The following SUSD2 variants were observed in gnomAD, a reference collection of about 807,000 sequenced individuals.
The protein encoded by SUSD2 is sushi domain containing 2.
A neutral mutation model predicts 93.8 loss-of-function variants in SUSD2; 86 were observed. The ratio of observed to expected loss-of-function variants is 0.92; its 90% confidence interval spans 0.77 to 1.10. The LOEUF (loss-of-function observed/expected upper bound fraction) is 1.10. SUSD2 is among the 50% of genes least tolerant of loss of function. SUSD2 has a pLI of 0.00. For missense variants in SUSD2, 1,060 were observed against 1,137.0 expected, an observed-to-expected ratio of 0.93 and a Z score of 0.97; for synonymous variants, 483 against 485.0, an observed-to-expected ratio of 1.00 and a Z score of 0.05.
At position 24,186,305 on chromosome 22, in the gene SUSD2, G is replaced by A. The variant is rs2047366256; in HGVS notation, c.1532G>A (p.Gly511Asp). The change falls in exon 10 of 15, where the codon GGC (glycine) becomes GAC (aspartate). Residue 511 changes from glycine to aspartate, a missense_variant. Physicochemically the swap from Gly to Asp is moderately conservative, Grantham distance 94. Around this residue, in one of 2 missense-constraint regions of SUSD2, gnomAD observed 973 missense variants for 1,005.3 expected, o/e 0.97. Transcript: ENST00000358321. The part of the protein sequence containing the change: ...TGLTAVAVQE[G>D]NSDVVEVRLA... ...CTGACCGCAGTGGCCGTCCAGGAGG[G>A]CAACTCAGATGTGGTGGAAGTCAGG... 1.2e-6 allele frequency: 2 copies of A among 1,613,918 alleles called. No homozygotes were observed. Among genetic ancestry groups the A allele is most frequent in the East Asian group, 2.2e-5 (1 of 44,884 alleles).
At position 24,187,762 on chromosome 22, in the gene SUSD2, G is replaced by A. The variant is rs1163458779; in HGVS notation, c.2083G>A (p.Ala695Thr). The A allele has an allele frequency of 1.2e-6, 2 of 1,613,908 alleles. No individual in the cohort carries two copies. The highest frequency in any genetic ancestry group is 2.2e-5 in the South Asian group (2 of 91,086). Residue 695 changes from alanine (A) to threonine (T), a missense_variant, in exon 12 of 15, where the codon GCC becomes ACC. By Grantham distance (58) the Ala-to-Thr change is moderately conservative (BLOSUM62 0). Transcript: ENST00000358321. ...TCATTTCTGCAACTTTGATGTGGCA[G>A]CCACTGGGAGCCTGAGCACGGGCAC... Reference protein sequence around the residue: ...DDHFCNFDVAATGSLSTGTAT... With the variant: ...DDHFCNFDVATTGSLSTGTAT...
In SUSD2 at chr22:24,185,931, T is replaced by G; in HGVS notation, c.1339+2T>G. 2.5e-6 allele frequency: 4 copies of G among 1,568,686 alleles called. No individual in the cohort carries two copies. The South Asian group carries it at 3.5e-5, about 14-fold the overall frequency. ...GCAACTACCGGCCCCCAAGACTGGG[T>G]GGGTGCCATCCCGTGCCCCAGACCC... On this transcript the variant is annotated splice_donor_variant, in intron 8 of 14. Coordinates refer to ENST00000358321, the MANE Select transcript of SUSD2 (RefSeq NM_019601.4). LOFTEE classifies it high-confidence loss of function.
rs760854768 is a variant in SUSD2, at chr22:24,186,412, A to G, written c.1639A>G (p.Lys547Glu). The change falls in exon 10 of 15, where the codon AAA (lysine) becomes GAA (glutamate). Residue 547 changes from lysine (K) to glutamate (E), a missense_variant. This residue lies in a region of SUSD2 where 973 missense variants were observed against 1,005.3 expected (regional missense o/e 0.97). Transcript: ENST00000358321. ...CACCGAGCAGAGCTGGATGGACCTG[A>G]AAGGTGAGCAGTCCAGCCACGCGAG... ...SFTEQSWMDL[K>E]GMFLSVAAGD... is the part of the protein sequence containing the mutation. 5 of 1,613,056 alleles carry G rather than the reference A, an allele frequency of 3.1e-6. No homozygotes were observed. Among genetic ancestry groups the G allele is most frequent in the Non-Finnish European group, 4.2e-6 (5 of 1,179,980 alleles).
rs907393703 is a variant in SUSD2, at chr22:24,184,903, C to G, written c.745C>G (p.Leu249Val). ...CTACCAGAGATGGCGAGTGGGTGCA[C>G]TTCGGATCATCGACAGCAAAAATTA... ...PSYQRWRVGA[L>V]RIIDSKNYAG... The change falls in exon 5 of 15, where the codon CTT becomes GTT. Residue 249 changes from leucine (L) to valine (V), a missense_variant. This residue lies in a region of SUSD2 where 973 missense variants were observed against 1,005.3 expected (regional missense o/e 0.97). Transcript: ENST00000358321. 8 of 1,613,812 alleles carry G rather than the reference C, an allele frequency of 5.0e-6. No individual in the cohort carries two copies. In the African/African-American group the frequency reaches 9.3e-5, roughly 19 times the overall value.
chr22:24,188,363 A>G lies in SUSD2; in HGVS notation c.2444+36A>G. 1 of 1,610,734 alleles carries G rather than the reference A, an allele frequency of 6.2e-7. No individual in the cohort carries two copies. Among genetic ancestry groups the G allele is most frequent in the Non-Finnish European group, 8.5e-7 (1 of 1,179,596 alleles). On this transcript the variant is annotated intron_variant, in intron 14 of 14. Transcript: ENST00000358321. The surrounding 1 kb of genome is among the most constrained non-coding windows in gnomAD (Gnocchi z 4.7). ...CCAGCCCCTCTCCCAAGACCCCGAG[A>G]CAGCCGGTGGGACCACCGAGGCTAC... is the stretch of plus-strand genomic sequence containing the variant.
At position 24,182,910 on chromosome 22, in the gene SUSD2, C is replaced by A. The variant is rs181531343; in HGVS notation, c.77-147C>A. 3.4e-3 allele frequency: 2,184 copies of A among 637,798 alleles called. 33 individuals are homozygous for A. In the African/African-American group the frequency reaches 0.035, roughly 10 times the overall value. 39.5% of individuals were successfully genotyped at this position (637,798 alleles called of 1,614,324 possible). Reference sequence around the variant, plus strand: ...GGGCCCTGTGGCTTTCTACTGTGTCCACCTGGTGGCCTGTGCAGTTCCTGG... The same window carrying A: ...GGGCCCTGTGGCTTTCTACTGTGTCAACCTGGTGGCCTGTGCAGTTCCTGG... On this transcript the variant is annotated intron_variant, in intron 1 of 14. Coordinates refer to ENST00000358321, the MANE Select transcript of SUSD2 (RefSeq NM_019601.4).
Position 24,185,703 on chromosome 22 carries a change from C to G in SUSD2, c.1113C>G (p.Asp371Glu). 5 of 1,610,822 alleles carry G rather than the reference C, an allele frequency of 3.1e-6. No homozygotes were observed. Among genetic ancestry groups the G allele is most frequent in the Non-Finnish European group, 4.2e-6 (5 of 1,179,368 alleles). ...GSGQQCCYTA[D>E]GTQLLTADSS... ...GTCAGCAGTGCTGCTACACAGCGGA[C>G]GGGACGCAGCTCCTGACAGCTGACT... The change falls in exon 8 of 15, where the codon GAC (aspartate) becomes GAG (glutamate). Residue 371 changes from aspartate to glutamate, a missense_variant. Transcript: ENST00000358321.
In SUSD2 at chr22:24,187,285, C is replaced by A; in HGVS notation, c.1726C>A (p.Pro576Thr). 6.2e-7 allele frequency: 1 copy of A among 1,614,068 alleles called. No individual in the cohort carries two copies. The highest frequency in any genetic ancestry group is 8.5e-7 in the Non-Finnish European group (1 of 1,180,012). Residue 576 changes from proline (P) to threonine (T), a missense_variant, in exon 11 of 15, where the codon CCG (proline) becomes ACG (threonine). Pro to Thr is a conservative substitution (Grantham distance 38). This residue lies in a region of SUSD2 where 973 missense variants were observed against 1,005.3 expected (regional missense o/e 0.97). Transcript: ENST00000358321. ...CGGCCTGGAGGTCAGCGTGCAGGGC[C>A]CGTTCCTGAGTGTGTCCGTCCTGCT... is the stretch of plus-strand genomic sequence containing the variant. The part of the protein sequence containing the change: ...GAGLEVSVQG[P>T]FLSVSVLLPE...
In SUSD2 at chr22:24,183,473, CCCA is replaced by C. The variant is rs752179303; in HGVS notation, c.288-11_288-9del. 7.5e-6 allele frequency: 12 copies of C among 1,602,196 alleles called. No homozygotes were observed. The highest frequency in any genetic ancestry group is 2.2e-5 in the South Asian group (2 of 90,680). On this transcript the variant is annotated intron_variant, in intron 2 of 14. Coordinates refer to ENST00000358321, the MANE Select transcript of SUSD2 (RefSeq NM_019601.4). ...CTCAGCCTGCAATGACCCAGCCCCT[CCCA>C]CCACCACCACGCCCACAGGTTTAAG... is the stretch of plus-strand genomic sequence containing the variant.
intron 1 of SUSD2, among the ~76,000 whole-genome samples, chr22:24,181,990 T>G (rs1342023353): frequency 1.3e-5 from 2 of 151,784 alleles, no homozygotes; most frequent in Non-Finnish European, 2.9e-5. Flanking sequence ...CTGCCCCCCG[T>G]CCCCCACCCC....
rs748918792 is a variant in SUSD2 at position 24,181,604 on chromosome 22, C to G, written c.76+9C>G. ...CCCCGGACCCACAGCAGGTATGCCT[C>G]CCTGCCCTTCTGTGTCCCCGTCTGT... is the stretch of plus-strand genomic sequence containing the variant. On this transcript the variant is annotated intron_variant, in intron 1 of 14. Coordinates refer to ENST00000358321, the MANE Select transcript of SUSD2 (RefSeq NM_019601.4). The G allele has an allele frequency of 6.3e-7, 1 of 1,585,736 alleles. No individual in the cohort carries two copies. The highest frequency in any genetic ancestry group is 1.1e-5 in the South Asian group (1 of 87,106).
At chr22:24,187,126 C>A in intron 10 of SUSD2, 76 bp from the exon 11 acceptor site, 2 of 1,547,162 alleles carry the variant, frequency 1.3e-6, no homozygotes, top group South Asian at 2.4e-5. Flanking sequence ...TGGGTGCCGA[C>A]CACCCTGTCC....
In SUSD2 at chr22:24,181,505, GAC is replaced by G. The variant is rs771943784; in HGVS notation, c.-11_-10del. The stretch of plus-strand genomic sequence containing the variant: ...CGGAGCCACTGCACTGCTGGCTGCA[GAC>G]ACAGGCTGCACCATGAAGCCAGCCC... On this transcript the variant is annotated 5_prime_UTR_variant, in exon 1 of 15. Coordinates refer to ENST00000358321, the MANE Select transcript of SUSD2 (RefSeq NM_019601.4). The G allele has an allele frequency of 6.4e-7, 1 of 1,558,814 alleles. No individual in the cohort carries two copies. Among genetic ancestry groups the G allele is most frequent in the South Asian group, 1.2e-5 (1 of 85,310 alleles).
chr22:24,187,644 C>T lies in SUSD2; in HGVS notation c.1965C>T (p.Pro655=), dbSNP rs1447769102. The T allele has an allele frequency of 1.2e-6, 2 of 1,614,026 alleles. No homozygotes were observed. The highest frequency in any genetic ancestry group is 1.7e-6 in the Non-Finnish European group (2 of 1,180,032). ...TGGTCCACAACTTCCTGTACCAACC[C>T]AAGCACGACCCCACCTTCGAGCCCC... ...WFLVHNFLYQ[P]KHDPTFEPLF... is the part of the protein sequence containing the mutation. Residue 655 remains proline (P), a synonymous_variant, in exon 12 of 15, where the codon CCC becomes CCT. Transcript: ENST00000358321.
At chr22:24,186,925 G>A in intron 10 of SUSD2, 1 of 540,000 alleles carries the variant, frequency 1.9e-6, no homozygotes, top group Admixed American at 3.1e-5. Flanking sequence ...AGGCAGGTGT[G>A]GCTGCTGCAG....
intron 3 of SUSD2, 123 bp downstream of exon 3, chr22:24,183,769 C>G: frequency 3.6e-6 from 4 of 1,108,002 alleles, no homozygotes; most frequent in Non-Finnish European, 2.5e-6. Flanking sequence ...CCTTGGGAGG[C>G]CTGCCCGCCT....
At chr22:24,186,797 A>G (rs2047369186) in intron 10 of SUSD2, 2 of 399,610 alleles carry the variant, frequency 5.0e-6, no homozygotes, top group Admixed American at 3.9e-5. Context: ...TGGTAGCTCC[A>G]CATCTGAACC....
Position 24,188,068 on chromosome 22 carries a change from CG to C in SUSD2, c.2278del (p.Ala760GlnfsTer145). On this transcript the variant is annotated frameshift_variant, in exon 13 of 15. Transcript: ENST00000358321. LOFTEE classifies it high-confidence loss of function. This position sits in a 1 kb window ranked among gnomAD's most constrained non-coding sequence, Gnocchi z 4.7. ...ACTGTGACAACGGCTACAGCCTGGC[CG>C]GGGCAGAGACCAGCACCTGCCAGGC... ...FHCDNGYSLA[G>X]AETSTCQADG... is the part of the protein sequence containing the mutation. The C allele has an allele frequency of 3.1e-6, 5 of 1,612,818 alleles. No individual in the cohort carries two copies. Among genetic ancestry groups the C allele is most frequent in the Non-Finnish European group, 3.4e-6 (4 of 1,179,888 alleles).
In SUSD2 at chr22:24,187,761, A is replaced by G. The variant is rs2047379917; in HGVS notation, c.2082A>G (p.Ala694=). 1 of 1,613,732 alleles carries G rather than the reference A, an allele frequency of 6.2e-7. No individual in the cohort carries two copies. The highest frequency in any genetic ancestry group is 1.3e-5 in the African/African-American group (1 of 74,932). Residue 694 remains alanine, a synonymous_variant, in exon 12 of 15, where the codon GCA becomes GCG. Coordinates refer to ENST00000358321, the MANE Select transcript of SUSD2 (RefSeq NM_019601.4). ...GDDHFCNFDV[A]ATGSLSTGTA... is the part of the protein sequence containing the mutation. ...ATCATTTCTGCAACTTTGATGTGGC[A>G]GCCACTGGGAGCCTGAGCACGGGCA... is the stretch of plus-strand genomic sequence containing the variant.
Sources: allele counts gnomAD v4.1 joint callset (sites outside exome capture counted in the v4.1 genomes callset), GRCh38; gene constraint gnomAD v4.1.1; regional missense constraint gnomAD v4.1.1; non-coding constraint Gnocchi (gnomAD v3.1); transcripts MANE v1.5; gene names NCBI Gene and HGNC (gene_info 2026-07-23, HGNC 2026-07-21).